The following SNAPC4 variants were observed in gnomAD, a reference collection of about 807,000 sequenced individuals.
SNAPC4 encodes the protein snRNA-activating protein complex subunit 4.
A neutral mutation model predicts 151.3 loss-of-function variants in SNAPC4; 127 were observed. That is an observed-to-expected ratio of 0.84 (90% CI 0.73 to 0.97). The LOEUF (loss-of-function observed/expected upper bound fraction) is 0.97, where lower values mean the gene tolerates loss of function less well. SNAPC4 is among the 50% of genes least tolerant of loss of function. SNAPC4 has a pLI of 0.00. For missense variants in SNAPC4, 2,186 were observed against 1,935.0 expected, an observed-to-expected ratio of 1.13 and a Z score of -2.43; for synonymous variants, 1,002 against 824.4, an observed-to-expected ratio of 1.22 and a Z score of -3.69.
At chr9:136,388,198 CAG>C (rs1833954633) in intron 11 of SNAPC4, among the ~76,000 whole-genome samples, 1 of 148,714 alleles carries the variant, frequency 6.7e-6, no homozygotes, top group African/African-American at 2.5e-5. Flanking sequence ...ACCCGGGAGG[CAG>C]AGGTTGCAGT....
chr9:136,392,656 C>A lies in SNAPC4; in HGVS notation c.737+17G>T. 1 of 1,613,116 alleles carries A rather than the reference C, an allele frequency of 6.2e-7. No individual in the cohort carries two copies. Among genetic ancestry groups the A allele is most frequent in the Non-Finnish European group, 8.5e-7 (1 of 1,179,410 alleles). ...GCTTGTGGGCTCCCCTGGGCCCTCCCGGGAGGCCCCCCTCACTTGATGTCC... is the reference window on the plus strand; with the variant it reads ...GCTTGTGGGCTCCCCTGGGCCCTCCAGGGAGGCCCCCCTCACTTGATGTCC... On this transcript the variant is annotated intron_variant, in intron 8 of 23. Coordinates refer to ENST00000684778, the MANE Select transcript of SNAPC4 (RefSeq NM_003086.4).
In SNAPC4 at chr9:136,379,183, C is replaced by T. The variant is rs748730287; in HGVS notation, c.2644G>A (p.Ala882Thr). The T allele has an allele frequency of 1.2e-6, 2 of 1,601,900 alleles. No individual in the cohort carries two copies. The highest frequency in any genetic ancestry group is 1.7e-6 in the Non-Finnish European group (2 of 1,175,282). Residue 882 changes from alanine (A) to threonine (T), a missense_variant, in exon 22 of 24, where the codon GCT (alanine) becomes ACT (threonine). By Grantham distance (58) the Ala-to-Thr change is moderately conservative. Coordinates refer to ENST00000684778, the MANE Select transcript of SNAPC4 (RefSeq NM_003086.4). Reference sequence around the variant, plus strand: ...GGCTTGGGCCGGGGGCCGGTTGAAGCCAGCAGGGACGCCTGGGGTAGGGTG... The same window carrying T: ...GGCTTGGGCCGGGGGCCGGTTGAAGTCAGCAGGGACGCCTGGGGTAGGGTG... ...ERTLPQASLL[A>T]STGPRPKPKT...
intron 16 of SNAPC4, among the ~76,000 whole-genome samples, chr9:136,382,889 C>T (rs1321537157): frequency 6.6e-6 from 1 of 152,188 alleles, no homozygotes; most frequent in Non-Finnish European, 1.5e-5. Flanking sequence ...GGAGGGGCTC[C>T]TCCCACTGCT....
chr9:136,394,937 G>A, intron 5 of SNAPC4, 59 bp from the exon 6 acceptor site: 4 of 1,480,278 alleles, frequency 2.7e-6, no homozygotes, highest in Non-Finnish European at 3.8e-6. Flanking sequence ...TGCAGGCCCA[G>A]CACATCCCTC....
chr9:136,383,276 AGGGACCT>A lies in SNAPC4; in HGVS notation c.1886_1892del (p.Gln629LeufsTer37), dbSNP rs2131472042. 1.2e-6 allele frequency: 2 copies of A among 1,611,740 alleles called. No homozygotes were observed. The highest frequency in any genetic ancestry group is 2.2e-5 in the South Asian group (2 of 91,022). On this transcript the variant is annotated frameshift_variant, in exon 16 of 24. Coordinates refer to ENST00000684778, the MANE Select transcript of SNAPC4 (RefSeq NM_003086.4). LOFTEE classifies it high-confidence loss of function. The surrounding 1 kb of genome is among the most constrained non-coding windows in gnomAD (Gnocchi z 4.2). ...TCGGGACAGGGCCGTGGGCCCTGGC[AGGGACCT>A]GCACCGGACTCGTCTCCTCTCCAGG... is the stretch of plus-strand genomic sequence containing the variant.
intron 7 of SNAPC4, among the ~76,000 whole-genome samples, chr9:136,393,114 G>A (rs1182426478): frequency 1.3e-5 from 2 of 152,224 alleles, no homozygotes; most frequent in South Asian, 4.1e-4. Flanking sequence ...ATCCTGACTG[G>A]TGCCCAGTGA....
intron 20 of SNAPC4, 131 bp from the exon 21 acceptor site, chr9:136,379,995 C>T: frequency 7.1e-7 from 1 of 1,407,034 alleles, no homozygotes; most frequent in Non-Finnish European, 9.9e-7. Flanking sequence ...GTGCTGGCCT[C>T]CCACACGCCT....
rs1210758467 is a variant in SNAPC4 at position 136,396,996 on chromosome 9, G to A, written c.158C>T (p.Pro53Leu). The A allele has an allele frequency of 6.2e-7, 1 of 1,612,930 alleles. No individual in the cohort carries two copies. The highest frequency in any genetic ancestry group is 1.7e-5 in the Admixed American group (1 of 60,030). The change falls in exon 3 of 24, where the codon CCT becomes CTT. Residue 53 changes from proline to leucine, a missense_variant. Pro to Leu is a moderately conservative substitution (Grantham distance 98). Transcript: ENST00000684778. Reference protein sequence around the residue: ...ADSLPSEDLDPADPPISEEER... With the variant: ...ADSLPSEDLDLADPPISEEER... ...AGTTACCGAGATCGGGGGATCGGCA[G>A]GATCCAAGTCCTCAGAAGGCAGTGA...
At chr9:136,395,225 G>A in intron 5 of SNAPC4, 73 bp downstream of exon 5, 4 of 1,546,372 alleles carry the variant, frequency 2.6e-6, no homozygotes, top group Admixed American at 3.8e-5. Context: ...ACTCCCTGCA[G>A]CAGGACTTGG....
Position 136,395,669 on chromosome 9 carries a change from G to GT in SNAPC4, c.278dup (p.Tyr93Ter). ...CCAGCTTCTCCTGGATGACCTCCTG[G>GT]TAGACCATGTTCAGCTGCAGGCAGG... is the stretch of plus-strand genomic sequence containing the variant. ...PETCLQLNMV[Y>*]QEVIQEKLAE... is the part of the protein sequence containing the mutation. The change falls in exon 4 of 24, where the codon TAC becomes TAAC. Residue 93 changes from tyrosine to a stop codon, truncating the protein, a stop_gained and frameshift_variant. Coordinates refer to ENST00000684778, the MANE Select transcript of SNAPC4 (RefSeq NM_003086.4). LOFTEE classifies it high-confidence loss of function. The GT allele has an allele frequency of 6.2e-7, 1 of 1,613,316 alleles. No individual in the cohort carries two copies. The highest frequency in any genetic ancestry group is 1.1e-5 in the South Asian group (1 of 91,090).
In SNAPC4 at chr9:136,387,866, G is replaced by GTCCCTAGTTCCTGT; in HGVS notation, c.1124-19_1124-18insACAGGAACTAGGGA. 7.0e-7 allele frequency: 1 copy of GTCCCTAGTTCCTGT among 1,423,350 alleles called. No individual in the cohort carries two copies. Among genetic ancestry groups the GTCCCTAGTTCCTGT allele is most frequent in the Non-Finnish European group, 9.9e-7 (1 of 1,006,140 alleles). 88.2% of individuals were successfully genotyped at this position (1,423,350 alleles called of 1,614,324 possible). A position where few individuals can be genotyped will look rare whatever the true frequency, so the allele number is the denominator to read the frequency against. On this transcript the variant is annotated intron_variant, in intron 11 of 23. Transcript: ENST00000684778. ...GTAGACAACTAGGGACAGAGGAACA[G>GTCCCTAGTTCCTGT]GGAGGTCCTGTGGGGCCGAGACACA...
Position 136,380,781 on chromosome 9 carries a change from G to T in SNAPC4, c.2458C>A (p.Pro820Thr). 1.9e-6 allele frequency: 3 copies of T among 1,611,096 alleles called. No individual in the cohort carries two copies. Among genetic ancestry groups the T allele is most frequent in the Non-Finnish European group, 2.5e-6 (3 of 1,178,268 alleles). ...GGTGGGTCCCGAGCACCAGCCTGGG[G>T]CAGCCTGGGTGGCAGGGCCTTCCTC... Reference protein sequence around the residue: ...RERKALPPRLPQAGARDPPVH... With the variant: ...RERKALPPRLTQAGARDPPVH... Residue 820 changes from proline (P) to threonine (T), a missense_variant, in exon 20 of 24, where the codon CCC becomes ACC. Coordinates refer to ENST00000684778, the MANE Select transcript of SNAPC4 (RefSeq NM_003086.4).
At chr9:136,398,858 C>T (rs1834359920) in intron 1 of SNAPC4, 2 of 167,990 alleles carry the variant, frequency 1.2e-5, no homozygotes, top group African/African-American at 4.8e-5. Context: ...CTTTGGCCAT[C>T]CTGCTCTCCC....
intron 13 of SNAPC4, among the ~76,000 whole-genome samples, chr9:136,386,694 A>G (rs1173219946): frequency 6.6e-6 from 1 of 152,106 alleles, no homozygotes; most frequent in Non-Finnish European, 1.5e-5. Context: ...TCGGCCTCCC[A>G]AAGTGTTGGG....
Position 136,378,132 on chromosome 9 carries a change from C to T in SNAPC4, c.3695G>A (p.Arg1232Lys), listed in dbSNP as rs767239702. 5 of 1,606,430 alleles carry T rather than the reference C, an allele frequency of 3.1e-6. No homozygotes were observed. The highest frequency in any genetic ancestry group is 3.4e-6 in the Non-Finnish European group (4 of 1,177,638). The part of the protein sequence containing the change: ...PGSPSGTQEP[R>K]GPLGLEKLPL... The stretch of plus-strand genomic sequence containing the variant: ...CAGCTTCTCCAGGCCCAGAGGCCCC[C>T]TGGGCTCCTGTGTCCCTGAGGGGGA... Residue 1232 changes from arginine (R) to lysine (K), a missense_variant, in exon 22 of 24, where the codon AGG (arginine) becomes AAG (lysine). Physicochemically the swap from Arg to Lys is conservative, Grantham distance 26. Coordinates refer to ENST00000684778, the MANE Select transcript of SNAPC4 (RefSeq NM_003086.4).
In SNAPC4 at chr9:136,392,772, T is replaced by G. The variant is rs767522548; in HGVS notation, c.638A>C (p.Glu213Ala). 2 of 1,613,228 alleles carry G rather than the reference T, an allele frequency of 1.2e-6. No homozygotes were observed. Among genetic ancestry groups the G allele is most frequent in the East Asian group, 4.5e-5 (2 of 44,886 alleles). Residue 213 changes from glutamate (E) to alanine (A), a missense_variant, in exon 8 of 24, where the codon GAG becomes GCG. Physicochemically the swap from Glu to Ala is moderately radical, Grantham distance 107. Transcript: ENST00000684778. ...RLLQPKLLKL[E>A]YLHQKQSKVS... ...TTTGCTCTGCTTCTGGTGCAAGTAC[T>G]CGAGCCTGCAAAGCAGAGCAGAGGC...
intron 18 of SNAPC4, 122 bp from the exon 19 acceptor site, chr9:136,381,514 G>A (rs890441168): frequency 5.6e-6 from 5 of 897,044 alleles, no homozygotes; most frequent in African/African-American, 5.0e-5. Context: ...AGGCCAGGGT[G>A]GGAGGGGAGG....
At position 136,388,267 on chromosome 9, in the gene SNAPC4, CA is replaced by C. The variant is rs35543525; in HGVS notation, c.1123+176del. Among the ~76,000 whole-genome samples, 422 of 108,854 alleles carry C rather than the reference CA, an allele frequency of 3.9e-3. 2 individuals are homozygous for C. Among genetic ancestry groups the C allele is most frequent in the African/African-American group, 0.01 (285 of 27,360 alleles). The allele number at this position is 108,854 out of a possible 152,430, so 71.4% of individuals were successfully genotyped here. The stretch of plus-strand genomic sequence containing the variant: ...GGGCAACAAGAGTGAAACTCCATCT[CA>C]AAAAAAAAAAAAAAAAAGTCACTTG... On this transcript the variant is annotated intron_variant, in intron 11 of 23. Coordinates refer to ENST00000684778, the MANE Select transcript of SNAPC4 (RefSeq NM_003086.4).
chr9:136,390,397 T>C (rs146847553), intron 10 of SNAPC4, among the ~76,000 whole-genome samples: 392 of 150,728 alleles, frequency 2.6e-3, no homozygotes, highest in African/African-American at 9.1e-3. Flanking sequence ...CTACTAAAAA[T>C]ACAAAAAATT....
Sources: gnomAD v4.1 joint callset for allele counts (sites outside exome capture counted in the v4.1 genomes callset) on GRCh38, gnomAD v4.1.1 for gene constraint, Gnocchi (gnomAD v3.1) non-coding constraint, MANE v1.5 for transcripts, NCBI Gene and HGNC (gene_info 2026-07-23, HGNC 2026-07-21) for gene names.